The following FAT3 variants were observed in gnomAD, a reference collection of about 807,000 sequenced individuals.
FAT3 encodes the protein protocadherin Fat 3.
A neutral mutation model predicts 310.2 loss-of-function variants in FAT3; 95 were observed. The ratio of observed to expected loss-of-function variants is 0.31; its 90% CI spans 0.26 to 0.36. The LOEUF is 0.36. FAT3 is among the 10% of genes least tolerant of loss of function. FAT3 has a pLI of 1.00. For synonymous variants in FAT3, 2,314 were observed against 2,192.9 expected (o/e 1.06, Z -1.54); for missense variants, 5,408 against 5,715.6 (o/e 0.95, Z 1.74).
At position 92,840,598 on chromosome 11, in the gene FAT3, G is replaced by A. The variant is rs749920118; in HGVS notation, c.10405G>A (p.Val3469Met). 2 of 1,606,772 alleles carry A rather than the reference G, an allele frequency of 1.2e-6. No homozygotes were observed. The highest frequency in any genetic ancestry group is 1.7e-5 in the Admixed American group (1 of 59,896). The change falls in exon 18 of 28, where the codon GTG (valine) becomes ATG (methionine). Residue 3469 changes from valine (V) to methionine (M), a missense_variant. By Grantham distance (21) the Val-to-Met change is conservative. Transcript: ENST00000525166. ...AGTGGGCACCAGCATCTTGCAGCTG[G>A]TGGTGACAGACAGAGACTCCTTTCA... ...KPVGTSILQL[V>M]VTDRDSFHNG...
intron 12 of FAT3, 95 bp from the exon 13 acceptor site, chr11:92,809,748 A>G (rs1193629860): frequency 4.5e-6 from 4 of 888,312 alleles, no homozygotes; most frequent in African/African-American, 3.3e-5. Context: ...AGTCCTTCCT[A>G]TGTTGAGAAT....
chr11:92,689,192 G>T (rs1943723331), intron 3 of FAT3, among the ~76,000 whole-genome samples: 1 of 152,152 alleles, frequency 6.6e-6, no homozygotes, highest in African/African-American at 2.4e-5. Flanking sequence ...CAGGCAGTCT[G>T]ATGCCAGAGC....
intron 19 of FAT3, among the ~76,000 whole-genome samples, chr11:92,850,086 C>G (rs1479165382): frequency 1.3e-5 from 2 of 152,196 alleles, no homozygotes; most frequent in East Asian, 3.8e-4. Flanking sequence ...TTTTATATAG[C>G]AGAGAAGAAT....
chr11:92,229,503 T>TG (rs968761508), intron 1 of FAT3, among the ~76,000 whole-genome samples: 16 of 74,888 alleles, frequency 2.1e-4, no homozygotes, highest in African/African-American at 6.6e-4. Flanking sequence ...TTTTTTTTTT[T>TG]TTTGTTTTTT....
chr11:92,551,414 T>TG (rs1954813785), intron 3 of FAT3, among the ~76,000 whole-genome samples: 1 of 128,876 alleles, frequency 7.8e-6, no homozygotes, highest in Non-Finnish European at 1.6e-5. Flanking sequence ...TTTTTTTGTT[T>TG]TGTGTGTGTG....
In FAT3 at chr11:92,895,687, T is replaced by A. The variant is rs1031211314; in HGVS notation, c.*4574T>A. The A allele has an allele frequency of 6.6e-6, 1 of 152,240 alleles. No homozygotes were observed. Among genetic ancestry groups the A allele is most frequent in the Non-Finnish European group, 1.5e-5 (1 of 68,042 alleles). 9.4% of individuals were successfully genotyped at this position (152,240 alleles called of 1,614,324 possible). A position where few individuals can be genotyped will look rare whatever the true frequency, so the allele number is the denominator to read the frequency against. On this transcript the variant is annotated 3_prime_UTR_variant, in exon 28 of 28. Transcript: ENST00000525166. ...GTTTGGAAATGGAAGCAGTTCTTTTTAAGCACTGTATCAGAGAGATTGTCT... is the reference window on the plus strand; with the variant it reads ...GTTTGGAAATGGAAGCAGTTCTTTTAAAGCACTGTATCAGAGAGATTGTCT...
At chr11:92,885,801 C>G (rs1231377568) in intron 24 of FAT3, among the ~76,000 whole-genome samples, 7 of 152,138 alleles carry the variant, frequency 4.6e-5, no homozygotes, top group Non-Finnish European at 8.8e-5. Flanking sequence ...CTTGTGCACA[C>G]CTTGTGGTTT....
At chr11:92,577,677 A>G (rs1023562234) in intron 3 of FAT3, among the ~76,000 whole-genome samples, 2 of 152,122 alleles carry the variant, frequency 1.3e-5, no homozygotes, top group African/African-American at 4.8e-5. Flanking sequence ...AAGGAAAGCT[A>G]CTTTAGAAAA....
At chr11:92,408,683 G>A (rs763413996) in intron 2 of FAT3, among the ~76,000 whole-genome samples, 2 of 152,168 alleles carry the variant, frequency 1.3e-5, no homozygotes, top group Non-Finnish European at 2.9e-5. Context: ...AGTGATAAGT[G>A]GATCATATTC....
intron 4 of FAT3, among the ~76,000 whole-genome samples, chr11:92,719,720 CTGTGTGTGTGTGTGTGTGTGTGTGTGTG>C (rs751825746): frequency 4.4e-5 from 6 of 136,774 alleles, no homozygotes; most frequent in African/African-American, 8.3e-5. Flanking sequence ...AGAACCAACT[CTGTGTGTGTGTGTGTGTGTGTGTGTGTG>C]TGTGTGTGTG....
At chr11:92,541,765 C>T (rs1036876885) in intron 3 of FAT3, among the ~76,000 whole-genome samples, 3 of 151,872 alleles carry the variant, frequency 2.0e-5, no homozygotes, top group Non-Finnish European at 2.9e-5. Context: ...GATTTTAATG[C>T]GATTTGATAT....
At chr11:92,428,320 A>T (rs1950683903) in intron 2 of FAT3, among the ~76,000 whole-genome samples, 1 of 151,200 alleles carries the variant, frequency 6.6e-6, no homozygotes, top group South Asian at 2.1e-4. Context: ...TTTTCAAAAA[A>T]AAAAAAACAG....
intron 1 of FAT3, among the ~76,000 whole-genome samples, chr11:92,227,658 GGAGAGAA>G (rs1241075573): frequency 3.9e-5 from 6 of 152,190 alleles, no homozygotes; most frequent in Admixed American, 3.9e-4. Context: ...AGGGGATGGA[GGAGAGAA>G]GAGAGAAGAG....
chr11:92,471,280 T>C (rs1167202066), intron 2 of FAT3, among the ~76,000 whole-genome samples: 1 of 152,166 alleles, frequency 6.6e-6, no homozygotes, highest in Non-Finnish European at 1.5e-5. Flanking sequence ...TCTTTAAGGG[T>C]CTTAATACAT....
intron 4 of FAT3, among the ~76,000 whole-genome samples, chr11:92,742,433 G>T (rs1327346045): frequency 2.6e-5 from 4 of 152,192 alleles, no homozygotes; most frequent in Non-Finnish European, 5.9e-5. Flanking sequence ...ATTCCCTGAA[G>T]GAAAGAAGCC....
intron 2 of FAT3, among the ~76,000 whole-genome samples, chr11:92,434,157 C>G (rs1472856611): frequency 6.6e-6 from 1 of 152,006 alleles, no homozygotes; most frequent in Non-Finnish European, 1.5e-5. Flanking sequence ...GTGGATCCAG[C>G]ACTCAAAGAA....
At chr11:92,415,023 A>T (rs1276570396) in intron 2 of FAT3, among the ~76,000 whole-genome samples, 1 of 145,146 alleles carries the variant, frequency 6.9e-6, no homozygotes, top group Non-Finnish European at 1.5e-5. Context: ...AAAAAAAAAA[A>T]TTCTGAAGAA....
chr11:92,382,535 G>T (rs942241532), intron 2 of FAT3, among the ~76,000 whole-genome samples: 12 of 152,088 alleles, frequency 7.9e-5, no homozygotes, highest in Admixed American at 4.6e-4. Flanking sequence ...GACCCCTAAA[G>T]GTAGATCTGG....
intron 7 of FAT3, among the ~76,000 whole-genome samples, chr11:92,785,513 A>G (rs1375820251): frequency 6.6e-6 from 1 of 152,172 alleles, no homozygotes; most frequent in Admixed American, 6.5e-5. Context: ...TATAAGTGAT[A>G]GGAAAATAAC....
Sources: allele counts gnomAD v4.1 joint callset (sites outside exome capture counted in the v4.1 genomes callset), GRCh38; gene constraint gnomAD v4.1.1; transcripts MANE v1.5; gene names NCBI Gene and HGNC (gene_info 2026-07-23, HGNC 2026-07-21).